The following FAR2 variants were observed in gnomAD, a reference collection of about 807,000 sequenced individuals.
The protein encoded by FAR2 is fatty acyl-CoA reductase 2, also known as epididymis secretory protein Li 81.
In FAR2, 19 loss-of-function variants were observed where a neutral mutation model predicts 56.0. That is an observed-to-expected ratio of 0.34 (90% CI 0.24 to 0.50). FAR2 has a LOEUF of 0.50. Ranked by LOEUF, FAR2 falls within the 20% of genes least tolerant of loss-of-function variation. The probability of loss-of-function intolerance (pLI) is 0.98; values close to 1 mark genes in which losing one functional copy is unlikely to be tolerated. For synonymous variants in FAR2, 219 were observed against 218.8 expected, an observed-to-expected ratio of 1.00 and a Z score of -0.01; for missense variants, 508 against 642.2, an observed-to-expected ratio of 0.79 and a Z score of 2.26.
chr12:29,332,983 G>T (rs1376545803), intron 11 of FAR2: 1 of 521,342 alleles, frequency 1.9e-6, no homozygotes, highest in Admixed American at 2.5e-5. Context: ...ACTTGCCCAT[G>T]GTAATTGCAT....
intron 1 of FAR2, among the ~76,000 whole-genome samples, chr12:29,260,804 C>T (rs533339716): frequency 2.0e-5 from 3 of 152,256 alleles, no homozygotes; most frequent in African/African-American, 7.2e-5. Flanking sequence ...TTGTTTGGGG[C>T]AAAGTAAGGG....
chr12:29,263,155 ATAT>A (rs1565494412), intron 1 of FAR2, among the ~76,000 whole-genome samples: 1 of 152,236 alleles, frequency 6.6e-6, no homozygotes, highest in Admixed American at 6.5e-5. Flanking sequence ...TATAAAGCAA[ATAT>A]TATTAGAGCT....
intron 3 of FAR2, among the ~76,000 whole-genome samples, chr12:29,293,826 G>A (rs185033617): frequency 6.6e-6 from 1 of 151,934 alleles, no homozygotes; most frequent in Non-Finnish European, 1.5e-5. Flanking sequence ...ACATTCCATT[G>A]TACATATATA....
chr12:29,160,442 C>G (rs1949772310), intron 1 of FAR2, among the ~76,000 whole-genome samples: 1 of 152,138 alleles, frequency 6.6e-6, no homozygotes, highest in Admixed American at 6.5e-5. Flanking sequence ...GCAGAAGAAC[C>G]CTTGATATCA....
chr12:29,291,275 C>G (rs1235411301), intron 2 of FAR2: 1 of 397,570 alleles, frequency 2.5e-6, no homozygotes, highest in African/African-American at 2.1e-5. Flanking sequence ...AATTATGGTA[C>G]CTGGACCATC....
At chr12:29,321,743 G>A in intron 9 of FAR2, 52 bp from the exon 10 acceptor site, 1 of 1,589,614 alleles carries the variant, frequency 6.3e-7, no homozygotes. Flanking sequence ...TCCCTGTAGA[G>A]TGACAGGGAA....
chr12:29,317,005 A>C lies in FAR2; in HGVS notation c.1120A>C (p.Lys374Gln). The C allele has an allele frequency of 6.2e-7, 1 of 1,612,772 alleles. No homozygotes were observed. The highest frequency in any genetic ancestry group is 2.2e-5 in the East Asian group (1 of 44,852). ...CTGCTATCTGCGGCTCACTGGAAGG[A>C]AGCCCAGGTGAGAAGCTGAGTCAAT... The part of the protein sequence containing the change: ...YDCYLRLTGR[K>Q]PRMTKLMNRL... The change falls in exon 9 of 12, where the codon AAG (lysine) becomes CAG (glutamine). Residue 374 changes from lysine to glutamine, a missense_variant. Coordinates refer to ENST00000536681, the MANE Select transcript of FAR2 (RefSeq NM_001271783.2).
intron 1 of FAR2, among the ~76,000 whole-genome samples, chr12:29,268,262 C>G (rs948362165): frequency 6.6e-6 from 1 of 152,138 alleles, no homozygotes; most frequent in Non-Finnish European, 1.5e-5. Flanking sequence ...AAACCCTGTC[C>G]ACATAGGCAG....
intron 1 of FAR2, among the ~76,000 whole-genome samples, chr12:29,181,803 G>A (rs917295223): frequency 3.9e-5 from 6 of 152,220 alleles, no homozygotes; most frequent in African/African-American, 1.4e-4. Flanking sequence ...CTACCTATTG[G>A]CATTTAAGAA....
intron 8 of FAR2, among the ~76,000 whole-genome samples, chr12:29,313,244 C>T (rs996462996): frequency 6.6e-6 from 1 of 152,052 alleles, no homozygotes; most frequent in Non-Finnish European, 1.5e-5. Context: ...CATGGGATAT[C>T]AGAATCTCTT....
At chr12:29,280,186 A>C (rs529666790) in intron 2 of FAR2, among the ~76,000 whole-genome samples, 1 of 152,276 alleles carries the variant, frequency 6.6e-6, no homozygotes, top group South Asian at 2.1e-4. Flanking sequence ...CGGCCTCCCA[A>C]AGTATTGGGA....
chr12:29,166,943 C>G (rs916176722), intron 1 of FAR2, among the ~76,000 whole-genome samples: 1 of 152,204 alleles, frequency 6.6e-6, no homozygotes, highest in East Asian at 1.9e-4. Flanking sequence ...TGAGCTTCCT[C>G]TGGATCTTGC....
intron 1 of FAR2, among the ~76,000 whole-genome samples, chr12:29,239,564 C>T (rs1947994362): frequency 6.6e-6 from 1 of 151,266 alleles, no homozygotes; most frequent in African/African-American, 2.4e-5. Context: ...GTAACAGCTC[C>T]CAAAAGACTA....
intron 1 of FAR2, among the ~76,000 whole-genome samples, chr12:29,213,768 T>G (rs1343653685): frequency 6.6e-6 from 1 of 152,028 alleles, no homozygotes; most frequent in African/African-American, 2.4e-5. Flanking sequence ...CTTTGTTGCC[T>G]TCTACAAAAT....
At chr12:29,264,507 G>A (rs912857921) in intron 1 of FAR2, among the ~76,000 whole-genome samples, 2 of 151,956 alleles carry the variant, frequency 1.3e-5, no homozygotes, top group Non-Finnish European at 2.9e-5. Flanking sequence ...AGGTGCATTG[G>A]CTCTTGCCTG....
At chr12:29,208,090 T>A (rs1947497659) in intron 1 of FAR2, among the ~76,000 whole-genome samples, 1 of 152,346 alleles carries the variant, frequency 6.6e-6, no homozygotes, top group Non-Finnish European at 1.5e-5. Flanking sequence ...TCAGTTTGTG[T>A]ATTAGTATTA....
chr12:29,315,297 G>A (rs1307961849), intron 8 of FAR2, among the ~76,000 whole-genome samples: 1 of 152,130 alleles, frequency 6.6e-6, no homozygotes, highest in Non-Finnish European at 1.5e-5. Context: ...ACAGCAAGGA[G>A]GCCAGTATGG....
At chr12:29,261,054 C>G (rs1243562634) in intron 1 of FAR2, among the ~76,000 whole-genome samples, 1 of 152,156 alleles carries the variant, frequency 6.6e-6, no homozygotes, top group Non-Finnish European at 1.5e-5. Flanking sequence ...GCCCAAACTG[C>G]AACTATTACA....
At chr12:29,273,070 G>T (rs1482123224) in intron 2 of FAR2, among the ~76,000 whole-genome samples, 1 of 152,158 alleles carries the variant, frequency 6.6e-6, no homozygotes, top group Non-Finnish European at 1.5e-5. Flanking sequence ...CAGTAGGATT[G>T]CTCCTGTATA....
Sources: allele counts gnomAD v4.1 joint callset (sites outside exome capture counted in the v4.1 genomes callset), GRCh38; gene constraint gnomAD v4.1.1; transcripts MANE v1.5; gene names NCBI Gene and HGNC (gene_info 2026-07-23, HGNC 2026-07-21).